Variants in BMP6 observed in about 807,000 individuals in gnomAD.
BMP6 encodes the protein VG-1-R.
BMP6 carries 17 observed loss-of-function variants against 54.1 expected under a neutral mutation model. That is an observed-to-expected ratio of 0.31 (90% CI 0.22 to 0.47). The LOEUF (loss-of-function observed/expected upper bound fraction) is 0.47. Among genes scored for constraint, BMP6 ranks in the 20% least tolerant of loss-of-function variants. The pLI is 1.00. For missense variants in BMP6, 720 were observed against 690.4 expected (o/e 1.04, Z -0.48); for synonymous variants, 328 against 291.2 (o/e 1.13, Z -1.28).
At chr6:7,813,108 A>AAAAAAT (rs1554122651) in intron 1 of BMP6, among the ~76,000 whole-genome samples, 5 of 21,494 alleles carry the variant, frequency 2.3e-4, no homozygotes, top group Non-Finnish European at 3.8e-4. Context: ...AAAAAAAAAA[A>AAAAAAT]ATATATATAT....
At chr6:7,758,725 C>T (rs190311835) in intron 1 of BMP6, among the ~76,000 whole-genome samples, 32 of 152,328 alleles carry the variant, frequency 2.1e-4, no homozygotes, top group Admixed American at 1.2e-3. Flanking sequence ...CCCTTGGGTC[C>T]GGCTGTGCCT....
Position 7,827,722 on chromosome 6 carries a change from T to C in BMP6, c.665-17418T>C, listed in dbSNP as rs114175994. ...CCCAAATGTGTTTTTCTTGCCCCAC[T>C]TGTTAATTAGTAAATCAAAACCAAA... On this transcript the variant is annotated intron_variant, in intron 1 of 6. Transcript: ENST00000283147. 8.1e-3 allele frequency among the ~76,000 whole-genome samples: 1,228 copies of C among 152,356 alleles called. 13 individuals are homozygous for C. Among genetic ancestry groups the C allele is most frequent in the African/African-American group, 0.028 (1,162 of 41,574 alleles).
chr6:7,870,727 A>C (rs1759511037), intron 4 of BMP6, among the ~76,000 whole-genome samples: 1 of 152,300 alleles, frequency 6.6e-6, no homozygotes, highest in Admixed American at 6.5e-5. Context: ...TCCCGGGTTC[A>C]AGCAATTCTC....
intron 2 of BMP6, among the ~76,000 whole-genome samples, chr6:7,855,553 C>CT (rs778898901): frequency 0.011 from 1,136 of 105,150 alleles, 121 homozygotes; most frequent in Non-Finnish European, 0.017. Flanking sequence ...CTCTCTCTCT[C>CT]TTTTTTTTTT....
chr6:7,811,458 G>A (rs1758434880), intron 1 of BMP6, among the ~76,000 whole-genome samples: 2 of 152,264 alleles, frequency 1.3e-5, no homozygotes, highest in Admixed American at 6.5e-5. Flanking sequence ...TGCTATGTCC[G>A]CCTTTCGACT....
In BMP6 at chr6:7,727,637, C is replaced by T. The variant is rs1332349643; in HGVS notation, c.664+18C>T. On this transcript the variant is annotated intron_variant, in intron 1 of 6. Transcript: ENST00000283147. ...GAACCTGGGTAAGGATTTGGGGTAACGTAATGACGAGAACATTTCCCCCTT... is the reference window on the plus strand; with the variant it reads ...GAACCTGGGTAAGGATTTGGGGTAATGTAATGACGAGAACATTTCCCCCTT... The T allele has an allele frequency of 6.6e-7, 1 of 1,515,328 alleles. No homozygotes were observed. Among genetic ancestry groups the T allele is most frequent in the Non-Finnish European group, 8.8e-7 (1 of 1,138,998 alleles). 93.9% of individuals were successfully genotyped at this position (1,515,328 alleles called of 1,614,324 possible). A position where few individuals can be genotyped will look rare whatever the true frequency, so the allele number is the denominator to read the frequency against.
chr6:7,728,554 G>A (rs935777206), intron 1 of BMP6, among the ~76,000 whole-genome samples: 7 of 152,228 alleles, frequency 4.6e-5, no homozygotes, highest in Non-Finnish European at 8.8e-5. Context: ...AATGAGAAGG[G>A]TGCAGAGAAG....
chr6:7,816,966 C>G (rs1347634829), intron 1 of BMP6, among the ~76,000 whole-genome samples: 1 of 151,996 alleles, frequency 6.6e-6, no homozygotes, highest in Non-Finnish European at 1.5e-5. Context: ...CCAGGGTTGT[C>G]TGTTGTTCTG....
In BMP6 at chr6:7,787,575, C is replaced by T. The variant is rs562813827; in HGVS notation, c.665-57565C>T. On this transcript the variant is annotated intron_variant, in intron 1 of 6. Coordinates refer to ENST00000283147, the MANE Select transcript of BMP6 (RefSeq NM_001718.6). Reference sequence around the variant, plus strand: ...GAGCAGGGATCTATTTGCTTGCAATCCTGTTAGCAAACCAAGGTGCCATTT... The same window carrying T: ...GAGCAGGGATCTATTTGCTTGCAATTCTGTTAGCAAACCAAGGTGCCATTT... 4.9e-4 allele frequency among the ~76,000 whole-genome samples: 75 copies of T among 152,320 alleles called. 1 individual carries two copies. In the South Asian group the frequency reaches 0.014, roughly 28 times the overall value.
intron 1 of BMP6, among the ~76,000 whole-genome samples, chr6:7,747,216 C>T (rs1039303100): frequency 6.6e-6 from 1 of 152,224 alleles, no homozygotes; most frequent in South Asian, 2.1e-4. Flanking sequence ...CCGTGGGCTT[C>T]GCCTCCTGGT....
At chr6:7,863,835 G>A (rs915532432) in intron 4 of BMP6, among the ~76,000 whole-genome samples, 5 of 151,970 alleles carry the variant, frequency 3.3e-5, no homozygotes, top group Admixed American at 6.6e-5. Context: ...CCTGGCCAAC[G>A]TGGTGAAACC....
intron 1 of BMP6, among the ~76,000 whole-genome samples, chr6:7,766,191 TTTTG>T (rs1335319119): frequency 6.6e-6 from 1 of 152,214 alleles, no homozygotes. Context: ...TCCAGTTTTT[TTTTG>T]TTTGTTTTTT....
At chr6:7,870,684 G>A (rs1450068759) in intron 4 of BMP6, among the ~76,000 whole-genome samples, 1 of 152,156 alleles carries the variant, frequency 6.6e-6, no homozygotes, top group African/African-American at 2.4e-5. Context: ...CTGGAGTGCA[G>A]TGGCACAATC....
chr6:7,824,167 G>T (rs748214715), intron 1 of BMP6, among the ~76,000 whole-genome samples: 12 of 152,198 alleles, frequency 7.9e-5, no homozygotes, highest in Non-Finnish European at 1.5e-4. Context: ...TGGTGTCATG[G>T]AGGCAGGTGT....
intron 1 of BMP6, among the ~76,000 whole-genome samples, chr6:7,778,328 T>C (rs1345679332): frequency 6.6e-6 from 1 of 152,260 alleles, no homozygotes; most frequent in Non-Finnish European, 1.5e-5. Context: ...TCGTACTCTG[T>C]TCTTTAAAAG....
At chr6:7,848,441 C>T (rs1759098499) in intron 2 of BMP6, among the ~76,000 whole-genome samples, 1 of 152,184 alleles carries the variant, frequency 6.6e-6, no homozygotes, top group African/African-American at 2.4e-5. Flanking sequence ...TTCCTAGGAA[C>T]TGACTCAGCT....
At chr6:7,766,681 AT>A (rs1490306356) in intron 1 of BMP6, among the ~76,000 whole-genome samples, 3 of 152,194 alleles carry the variant, frequency 2.0e-5, no homozygotes, top group Non-Finnish European at 4.4e-5. Flanking sequence ...TTCATAGACA[AT>A]TTCCTTGCTC....
intron 1 of BMP6, among the ~76,000 whole-genome samples, chr6:7,843,708 A>T (rs555759308): frequency 6.6e-6 from 1 of 152,092 alleles, no homozygotes; most frequent in Non-Finnish European, 1.5e-5. Flanking sequence ...ATGGTGGGAA[A>T]CAGAGCACTC....
chr6:7,880,666 C>G lies in BMP6; in HGVS notation c.*323C>G. On this transcript the variant is annotated 3_prime_UTR_variant, in exon 7 of 7. Transcript: ENST00000283147. Reference sequence around the variant, plus strand: ...ACCAAAATTAGTTTTAGCTGTAGATCAAGCTATTTGGGGTGTTTGTTAGTA... The same window carrying G: ...ACCAAAATTAGTTTTAGCTGTAGATGAAGCTATTTGGGGTGTTTGTTAGTA... The G allele has an allele frequency of 2.7e-6, 1 of 369,688 alleles. No individual in the cohort carries two copies. Among genetic ancestry groups the G allele is most frequent in the Non-Finnish European group, 5.0e-6 (1 of 200,224 alleles). 22.9% of individuals were successfully genotyped at this position (369,688 alleles called of 1,614,324 possible). A position where few individuals can be genotyped will look rare whatever the true frequency, so the allele number is the denominator to read the frequency against.
Sources: allele counts gnomAD v4.1 joint callset (sites outside exome capture counted in the v4.1 genomes callset), GRCh38; gene constraint gnomAD v4.1.1; transcripts MANE v1.5; gene names NCBI Gene and HGNC (gene_info 2026-07-23, HGNC 2026-07-21).